TASP1: variants seen among roughly 807,000 people sequenced by gnomAD.
TASP1 encodes threonine aspartase 1.
In TASP1, 16 loss-of-function variants were observed where a neutral mutation model predicts 56.6. That is an observed-to-expected ratio of 0.28 (90% CI 0.19 to 0.43). TASP1 has a LOEUF of 0.43. TASP1 is among the 20% of genes least tolerant of loss of function. The probability of loss-of-function intolerance (pLI) is 1.00; values close to 1 mark genes in which losing one functional copy is unlikely to be tolerated. For missense variants in TASP1, 393 were observed against 511.6 expected (o/e 0.77, Z 2.24); for synonymous variants, 179 against 184.2 (o/e 0.97, Z 0.23).
At chr20:13,437,289 C>T (rs1299191259) in intron 11 of TASP1, among the ~76,000 whole-genome samples, 1 of 152,082 alleles carries the variant, frequency 6.6e-6, no homozygotes, top group African/African-American at 2.4e-5. Flanking sequence ...GCAGAAAAGG[C>T]CTTTGACAAA....
chr20:13,344,004 C>A, the TASP1 span, among the ~76,000 whole-genome samples: 1 of 152,094 alleles, frequency 6.6e-6, no homozygotes, highest in Non-Finnish European at 1.5e-5. Flanking sequence ...AATGCTCTCA[C>A]TGGTAGTCCC....
the TASP1 span, among the ~76,000 whole-genome samples, chr20:13,198,838 CTTTCTTTCTTTCTTTCT>C: frequency 1.4e-5 from 2 of 138,022 alleles, no homozygotes; most frequent in East Asian, 2.2e-4. Flanking sequence ...TTCTTTCTTT[CTTTCTTTCTTTCTTTCT>C]TTCCTTCCTT....
chr20:13,201,157 G>C, the TASP1 span, among the ~76,000 whole-genome samples: 7,931 of 152,256 alleles, frequency 0.052, 665 homozygotes, highest in African/African-American at 0.18. Context: ...GGGTTTCAAA[G>C]TGGGAGTGAT....
At chr20:13,138,823 C>G in the TASP1 span, among the ~76,000 whole-genome samples, 1 of 152,124 alleles carries the variant, frequency 6.6e-6, no homozygotes, top group Non-Finnish European at 1.5e-5. Context: ...TGGAGGTGAG[C>G]TGAGCATGCT....
intron 2 of TASP1, among the ~76,000 whole-genome samples, chr20:13,628,170 G>A (rs767047019): frequency 1.1e-4 from 16 of 152,210 alleles, no homozygotes; most frequent in Non-Finnish European, 1.8e-4. Flanking sequence ...CATTATTTAA[G>A]GTTGGCAGAG....
At chr20:13,429,156 G>C (rs1043992852) in intron 12 of TASP1, among the ~76,000 whole-genome samples, 6 of 152,164 alleles carry the variant, frequency 3.9e-5, no homozygotes, top group African/African-American at 1.4e-4. Context: ...CTATGAGAAG[G>C]GGCTAGGATG....
intron 9 of TASP1, among the ~76,000 whole-genome samples, chr20:13,531,788 C>A (rs144799446): frequency 1.3e-5 from 2 of 152,162 alleles, no homozygotes; most frequent in African/African-American, 4.8e-5. Flanking sequence ...CTTATCCCCC[C>A]CAACTGGCTG....
the TASP1 span, among the ~76,000 whole-genome samples, chr20:13,359,762 A>G: frequency 1.3e-5 from 2 of 151,720 alleles, no homozygotes; most frequent in Non-Finnish European, 2.9e-5. Flanking sequence ...TTCCCTGACT[A>G]TTCCTGGACT....
chr20:13,155,656 G>C, the TASP1 span, among the ~76,000 whole-genome samples: 8,589 of 151,898 alleles, frequency 0.057, 280 homozygotes, highest in African/African-American at 0.087. Flanking sequence ...GAAACCCCGT[G>C]TCTACAAAAA....
intron 6 of TASP1, among the ~76,000 whole-genome samples, chr20:13,576,330 A>G (rs1409117439): frequency 3.6e-5 from 5 of 137,056 alleles, no homozygotes; most frequent in East Asian, 4.2e-4. Flanking sequence ...AAGAAAAGAG[A>G]AAGAAAGAAA....
chr20:13,117,043 C>A, the TASP1 span, among the ~76,000 whole-genome samples: 1 of 152,182 alleles, frequency 6.6e-6, no homozygotes, highest in Non-Finnish European at 1.5e-5. Flanking sequence ...AGTTCTGTGT[C>A]TTTTTAATTC....
chr20:13,414,851 T>C (rs1241762589), intron 13 of TASP1, among the ~76,000 whole-genome samples: 4 of 152,160 alleles, frequency 2.6e-5, no homozygotes, highest in African/African-American at 9.7e-5. Context: ...AACCTACCTC[T>C]ATTTATTCAA....
chr20:13,122,581 G>A, the TASP1 span, among the ~76,000 whole-genome samples: 2 of 152,194 alleles, frequency 1.3e-5, no homozygotes, highest in Non-Finnish European at 2.9e-5. Context: ...AAACTTTTCT[G>A]TGATTCAGTT....
chr20:13,588,292 AGG>A (rs749994258), intron 4 of TASP1, among the ~76,000 whole-genome samples: 8,538 of 139,518 alleles, frequency 0.061, 278 homozygotes, highest in East Asian at 0.13. Flanking sequence ...GAAGGAAGGA[AGG>A]AAGGAAGGAA....
intron 6 of TASP1, among the ~76,000 whole-genome samples, chr20:13,574,633 A>AC (rs2046835684): frequency 1.3e-5 from 2 of 151,984 alleles, no homozygotes; most frequent in African/African-American, 4.8e-5. Flanking sequence ...CATGGAAGAC[A>AC]TTTTTTAAAG....
At chr20:13,511,495 G>A in intron 10 of TASP1, among the ~76,000 whole-genome samples, 1 of 152,054 alleles carries the variant, frequency 6.6e-6, no homozygotes, top group East Asian at 1.9e-4. Flanking sequence ...ACTACAGTAA[G>A]GGAAAAGGGT....
chr20:13,448,573 T>C (rs910943666), intron 11 of TASP1, among the ~76,000 whole-genome samples: 2 of 152,098 alleles, frequency 1.3e-5, no homozygotes, highest in African/African-American at 4.8e-5. Context: ...CACTCCAAAA[T>C]TCTGGGATCA....
chr20:13,306,564 C>CAAAAAAAAAAAAAAAAAAAAAAAA, the TASP1 span, among the ~76,000 whole-genome samples: 10 of 63,908 alleles, frequency 1.6e-4, no homozygotes, highest in Non-Finnish European at 2.4e-4. Context: ...GGAGAAAGGA[C>CAAAAAAAAAAAAAAAAAAAAAAAA]AAAAAAAAAA....
chr20:13,413,472 T>G (rs761988297), intron 13 of TASP1, among the ~76,000 whole-genome samples: 1 of 152,130 alleles, frequency 6.6e-6, no homozygotes, highest in Non-Finnish European at 1.5e-5. Context: ...TAGATCCCAC[T>G]GGAAAACAAG....
Sources: allele counts gnomAD v4.1 joint callset (sites outside exome capture counted in the v4.1 genomes callset), GRCh38; gene constraint gnomAD v4.1.1; transcripts MANE v1.5; gene names NCBI Gene and HGNC (gene_info 2026-07-23, HGNC 2026-07-21).